The following TBC1D9B variants were observed in gnomAD, a reference collection of about 807,000 sequenced individuals.
The protein encoded by TBC1D9B is TBC1 domain family member 9B.
A neutral mutation model predicts 121.1 loss-of-function variants in TBC1D9B; 87 were observed. The ratio of observed to expected loss-of-function variants is 0.72; its 90% CI spans 0.60 to 0.86. The LOEUF is 0.86. Among genes scored for constraint, TBC1D9B ranks in the 40% least tolerant of loss-of-function variants. The pLI is 0.00. For missense variants in TBC1D9B, 1,540 were observed against 1,628.6 expected, an observed-to-expected ratio of 0.95 and a Z score of 0.94; for synonymous variants, 668 against 670.1, an observed-to-expected ratio of 1.00 and a Z score of 0.05.
At position 179,904,662 on chromosome 5, in the gene TBC1D9B, C is replaced by A; in HGVS notation, c.229+40G>T. ...CCTCTCGGCAACGGCCCTTCCAGGGCAGGCCCTGCCCAGCACCCCTCACCA... is the reference window on the plus strand; with the variant it reads ...CCTCTCGGCAACGGCCCTTCCAGGGAAGGCCCTGCCCAGCACCCCTCACCA... On this transcript the variant is annotated intron_variant, in intron 2 of 20. Coordinates refer to ENST00000355235, the MANE Select transcript of TBC1D9B (RefSeq NM_015043.4). The surrounding 1 kb of genome is among the most constrained non-coding windows in gnomAD (Gnocchi z 4.2). 6.6e-7 allele frequency: 1 copy of A among 1,526,326 alleles called. No individual in the cohort carries two copies. The highest frequency in any genetic ancestry group is 2.5e-5 in the East Asian group (1 of 40,640). 94.5% of individuals were successfully genotyped at this position (1,526,326 alleles called of 1,614,324 possible).
intron 2 of TBC1D9B, among the ~76,000 whole-genome samples, chr5:179,901,993 T>A (rs1437524989): frequency 6.6e-6 from 1 of 152,224 alleles, no homozygotes; most frequent in Non-Finnish European, 1.5e-5. Context: ...TTATTTTCAT[T>A]TTACCAGATG....
chr5:179,888,003 C>A lies in TBC1D9B; in HGVS notation c.1254+100G>T, dbSNP rs548994322. ...ACATCCACCCCTAGGCGGAGGCCCA[C>A]AGCCGGAACCATGGGGTCAGGCTCC... On this transcript the variant is annotated intron_variant, in intron 7 of 20. Transcript: ENST00000355235. 11 of 1,473,522 alleles carry A rather than the reference C, an allele frequency of 7.5e-6. 1 individual carries two copies. The South Asian group carries it at 1.1e-4, about 15-fold the overall frequency. The allele number at this position is 1,473,522 out of a possible 1,614,324, so 91.3% of individuals were successfully genotyped here.
chr5:179,865,909 AAAG>A lies in TBC1D9B; in HGVS notation c.2864-24_2864-22del. The stretch of plus-strand genomic sequence containing the variant: ...TGCTTCTGGACAAACGCAAAAATAA[AAAG>A]AACATGAATAACATTCTGCTGTTGG... On this transcript the variant is annotated intron_variant, in intron 18 of 20. Transcript: ENST00000355235. This position sits in a 1 kb window ranked among gnomAD's most constrained non-coding sequence, Gnocchi z 5.1. The A allele has an allele frequency of 6.2e-7, 1 of 1,613,922 alleles. No individual in the cohort carries two copies. Among genetic ancestry groups the A allele is most frequent in the Non-Finnish European group, 8.5e-7 (1 of 1,179,854 alleles).
chr5:179,893,318 G>C lies in TBC1D9B; in HGVS notation c.727C>G (p.Gln243Glu). ...NIGETFKLME[Q>E]LANLAMRQLL... ...TGCCGCATGGCCAGGTTGGCCAACTGCTCCATGAGCTTGAAGGTCTCGCCG... is the reference window on the plus strand; with the variant it reads ...TGCCGCATGGCCAGGTTGGCCAACTCCTCCATGAGCTTGAAGGTCTCGCCG... The change falls in exon 5 of 21, where the codon CAG (glutamine) becomes GAG (glutamate). Residue 243 changes from glutamine (Q) to glutamate (E), a missense_variant. By Grantham distance (29) the Gln-to-Glu change is conservative. Transcript: ENST00000355235. 1 of 1,614,128 alleles carries C rather than the reference G, an allele frequency of 6.2e-7. No homozygotes were observed. Among genetic ancestry groups the C allele is most frequent in the Non-Finnish European group, 8.5e-7 (1 of 1,180,038 alleles).
chr5:179,869,566 C>T (rs756797591), intron 17 of TBC1D9B: 36 of 696,814 alleles, frequency 5.2e-5, no homozygotes, highest in Non-Finnish European at 7.3e-5. Context: ...TTCTCCTCCA[C>T]GTCCCTTCCC....
rs1213224228 is a variant in TBC1D9B at position 179,865,213 on chromosome 5, A to G, written c.3021+41T>C. 6.3e-7 allele frequency: 1 copy of G among 1,597,206 alleles called. No individual in the cohort carries two copies. On this transcript the variant is annotated intron_variant, in intron 20 of 20. Transcript: ENST00000355235. This position sits in a 1 kb window ranked among gnomAD's most constrained non-coding sequence, Gnocchi z 5.1. Reference sequence around the variant, plus strand: ...ATGTTAGGGCCCAGTCTTGGTCAGAACTCTCCAGAAATGTCTACTGTGGGC... The same window carrying G: ...ATGTTAGGGCCCAGTCTTGGTCAGAGCTCTCCAGAAATGTCTACTGTGGGC...
Position 179,893,346 on chromosome 5 carries a change from G to A in TBC1D9B, c.699C>T (p.Asn233=). The A allele has an allele frequency of 6.2e-7, 1 of 1,614,216 alleles. No homozygotes were observed. Among genetic ancestry groups the A allele is most frequent in the Middle Eastern group, 1.7e-4 (1 of 6,060 alleles). The change falls in exon 5 of 21, where the codon AAC becomes AAT. Residue 233 remains asparagine, a synonymous_variant. Coordinates refer to ENST00000355235, the MANE Select transcript of TBC1D9B (RefSeq NM_015043.4). The stretch of plus-strand genomic sequence containing the variant: ...CCATGAGCTTGAAGGTCTCGCCGAT[G>A]TTGAGGAACATGGAGAAGAAGAGCT... The part of the protein sequence containing the change: ...DQELFFSMFL[N]IGETFKLMEQ...
In TBC1D9B at chr5:179,902,995, C is replaced by T. The variant is rs908875223; in HGVS notation, c.229+1707G>A. Among the ~76,000 whole-genome samples, 2 of 152,184 alleles carry T rather than the reference C, an allele frequency of 1.3e-5. No individual in the cohort carries two copies. The highest frequency in any genetic ancestry group is 1.3e-4 in the Admixed American group (2 of 15,278). The stretch of plus-strand genomic sequence containing the variant: ...GCCCACCTGGGAGTGGGGCTATTCC[C>T]GGGGTGCCGCCCGCCCTGTGCTTTT... On this transcript the variant is annotated intron_variant, in intron 2 of 20. Transcript: ENST00000355235. This position sits in a 1 kb window ranked among gnomAD's most constrained non-coding sequence, Gnocchi z 4.9.
intron 7 of TBC1D9B, chr5:179,887,896 GGT>G (rs1760736944): frequency 1.5e-6 from 1 of 647,318 alleles, no homozygotes. Context: ...AGGAGTACCG[GGT>G]GTGTGGCTGG....
chr5:179,886,926 CCA>C (rs1261761720), intron 7 of TBC1D9B, among the ~76,000 whole-genome samples: 2 of 152,206 alleles, frequency 1.3e-5, no homozygotes, highest in Non-Finnish European at 2.9e-5. Context: ...GCCCCTCTGG[CCA>C]CAGACAGAAT....
At chr5:179,868,045 C>CTTTT in intron 17 of TBC1D9B, 196 bp from the exon 18 acceptor site, 1 of 365,044 alleles carries the variant, frequency 2.7e-6, no homozygotes, top group Non-Finnish European at 4.8e-6. Context: ...CTTTCCTCAG[C>CTTTT]TTTTTTTTTT....
At chr5:179,898,743 C>T (rs1380262480) in intron 3 of TBC1D9B, among the ~76,000 whole-genome samples, 1 of 152,216 alleles carries the variant, frequency 6.6e-6, no homozygotes, top group Non-Finnish European at 1.5e-5. Flanking sequence ...GCCACCACAC[C>T]TGGCCCTTTA....
At chr5:179,882,121 T>G (rs1760560927) in intron 7 of TBC1D9B, among the ~76,000 whole-genome samples, 1 of 152,036 alleles carries the variant, frequency 6.6e-6, no homozygotes. Context: ...ATTTTTGTAT[T>G]TTTAATAGAG....
intron 2 of TBC1D9B, among the ~76,000 whole-genome samples, chr5:179,903,079 T>C (rs546394832): frequency 6.6e-6 from 1 of 152,204 alleles, no homozygotes; most frequent in Non-Finnish European, 1.5e-5. Flanking sequence ...GACAAACTTT[T>C]GAGTCTCATC....
At chr5:179,892,607 G>T (rs1241060194) in intron 5 of TBC1D9B, among the ~76,000 whole-genome samples, 1 of 152,244 alleles carries the variant, frequency 6.6e-6, no homozygotes, top group East Asian at 1.9e-4. Flanking sequence ...CAGGGCAGCA[G>T]GGAACTCAGA....
chr5:179,877,350 T>C (rs1760389461), intron 10 of TBC1D9B, among the ~76,000 whole-genome samples: 1 of 150,854 alleles, frequency 6.6e-6, no homozygotes, highest in African/African-American at 2.4e-5. Context: ...ATAATAATAA[T>C]AATTTAAAAT....
chr5:179,867,926 G>A (rs902829407), intron 17 of TBC1D9B, 77 bp from the exon 18 acceptor site: 5 of 1,396,832 alleles, frequency 3.6e-6, no homozygotes, highest in Admixed American at 5.4e-5. Context: ...CTCCAGCCCT[G>A]GGCAGAGCCT....
In TBC1D9B at chr5:179,891,580, C is replaced by T. The variant is rs1760867451; in HGVS notation, c.843G>A (p.Leu281=). 6.2e-7 allele frequency: 1 copy of T among 1,612,726 alleles called. No homozygotes were observed. The highest frequency in any genetic ancestry group is 8.5e-7 in the Non-Finnish European group (1 of 1,179,862). The change falls in exon 6 of 21, where the codon CTG becomes CTA. Residue 281 remains leucine (L), a synonymous_variant. Transcript: ENST00000355235. This position sits in a 1 kb window ranked among gnomAD's most constrained non-coding sequence, Gnocchi z 4.3. ...AGCACTCATTCTTGGCTCGGGCGTC[C>T]AGGTCTCTGGGGAAACAAGGTAGGA... The part of the protein sequence containing the change: ...HRNISALKRD[L]DARAKNECYR...
chr5:179,878,610 C>T (rs906924581), intron 9 of TBC1D9B, 87 bp from the exon 10 acceptor site: 1 of 1,317,834 alleles, frequency 7.6e-7, no homozygotes, highest in Admixed American at 2.1e-5. Context: ...ACCGGGTGCC[C>T]CACAGAGGAG....
Sources: allele counts gnomAD v4.1 joint callset (sites outside exome capture counted in the v4.1 genomes callset), GRCh38; gene constraint gnomAD v4.1.1; non-coding constraint Gnocchi (gnomAD v3.1); transcripts MANE v1.5; gene names NCBI Gene and HGNC (gene_info 2026-07-23, HGNC 2026-07-21).